The following LHFPL2 variants were observed in gnomAD, a reference collection of about 807,000 sequenced individuals.
LHFPL2 encodes the protein LHFPL tetraspan subfamily member 2 protein.
A neutral mutation model predicts 17.5 loss-of-function variants in LHFPL2; 7 were observed. The ratio of observed to expected loss-of-function variants is 0.40; its 90% confidence interval spans 0.23 to 0.75. The LOEUF (loss-of-function observed/expected upper bound fraction) is 0.75, where lower values mean the gene tolerates loss of function less well. Among genes scored for constraint, LHFPL2 ranks in the 30% least tolerant of loss-of-function variants. The pLI is 0.37. For missense variants in LHFPL2, 241 were observed against 294.8 expected, an observed-to-expected ratio of 0.82 and a Z score of 1.34; for synonymous variants, 134 against 116.2, an observed-to-expected ratio of 1.15 and a Z score of -0.99.
intron 3 of LHFPL2, among the ~76,000 whole-genome samples, chr5:78,512,529 ATTGT>A (rs373551068): frequency 1.8e-3 from 279 of 151,702 alleles, no homozygotes; most frequent in African/African-American, 6.4e-3. Flanking sequence ...TTTAGAGGAG[ATTGT>A]TTGTAATGAA....
At chr5:78,627,691 C>T (rs941452800) in intron 2 of LHFPL2, among the ~76,000 whole-genome samples, 2 of 152,198 alleles carry the variant, frequency 1.3e-5, no homozygotes, top group Admixed American at 1.3e-4. Flanking sequence ...CTCAGCAGGG[C>T]ATTTATGAAG....
intron 3 of LHFPL2, among the ~76,000 whole-genome samples, chr5:78,558,532 A>AG (rs55720972): frequency 1 from 152,258 of 152,258 alleles, 76,129 homozygotes; most frequent in Non-Finnish European, 1. Context: ...TTTCAGAGAC[A>AG]GGTCTTGCTA....
intron 3 of LHFPL2, among the ~76,000 whole-genome samples, chr5:78,560,018 A>G (rs1010141482): frequency 6.6e-6 from 1 of 152,266 alleles, no homozygotes; most frequent in Admixed American, 6.5e-5. Context: ...TTATTACACG[A>G]AAGAATACAG....
chr5:78,553,945 T>C (rs557979628), intron 3 of LHFPL2, among the ~76,000 whole-genome samples: 8 of 152,242 alleles, frequency 5.3e-5, no homozygotes, highest in Non-Finnish European at 1.0e-4. Context: ...TGAGGCACAA[T>C]ATGTCATTTG....
At chr5:78,503,477 A>G (rs1013137730) in intron 4 of LHFPL2, among the ~76,000 whole-genome samples, 2 of 152,202 alleles carry the variant, frequency 1.3e-5, no homozygotes, top group Non-Finnish European at 2.9e-5. Flanking sequence ...CAGGTGGATC[A>G]CCTGAGGTCA....
chr5:78,490,746 C>CAAAAAA (rs370809060), intron 4 of LHFPL2, among the ~76,000 whole-genome samples: 1,253 of 91,230 alleles, frequency 0.014, 51 homozygotes, highest in African/African-American at 0.031. Context: ...GACTCCCTCT[C>CAAAAAA]AAAAAAAAAA....
intron 2 of LHFPL2, among the ~76,000 whole-genome samples, chr5:78,624,375 G>A (rs1018317148): frequency 2.6e-5 from 4 of 152,294 alleles, no homozygotes; most frequent in East Asian, 1.9e-4. Flanking sequence ...TGTCCCAGAG[G>A]AGGCACACAA....
chr5:78,560,084 G>A (rs1756684019), intron 3 of LHFPL2, among the ~76,000 whole-genome samples: 2 of 152,206 alleles, frequency 1.3e-5, no homozygotes, highest in African/African-American at 4.8e-5. Context: ...AGCGGCCAGT[G>A]TCGATTGGCA....
chr5:78,636,195 A>C (rs1228082781), intron 1 of LHFPL2, among the ~76,000 whole-genome samples: 2 of 151,344 alleles, frequency 1.3e-5, no homozygotes, highest in African/African-American at 4.9e-5. Context: ...ATCAGAATCC[A>C]CTCTTGCATA....
At chr5:78,558,288 C>A (rs936430174) in intron 3 of LHFPL2, among the ~76,000 whole-genome samples, 3 of 152,242 alleles carry the variant, frequency 2.0e-5, no homozygotes, top group Non-Finnish European at 2.9e-5. Flanking sequence ...CCTACACGAT[C>A]CCAGTGTACG....
intron 2 of LHFPL2, among the ~76,000 whole-genome samples, chr5:78,617,465 T>G (rs969118474): frequency 2.0e-5 from 3 of 152,204 alleles, no homozygotes; most frequent in African/African-American, 7.2e-5. Context: ...TTGTTCTACC[T>G]GCTTGTAGGC....
intron 4 of LHFPL2, among the ~76,000 whole-genome samples, chr5:78,503,340 A>G (rs1043542852): frequency 4.6e-5 from 7 of 152,340 alleles, no homozygotes; most frequent in Non-Finnish European, 5.9e-5. Flanking sequence ...ATCAACTGCT[A>G]TATCAGAATT....
At chr5:78,531,513 A>C (rs1755784257) in intron 3 of LHFPL2, among the ~76,000 whole-genome samples, 1 of 152,138 alleles carries the variant, frequency 6.6e-6, no homozygotes, top group African/African-American at 2.4e-5. Context: ...CTCAGGTTCC[A>C]CTATGGCACT....
chr5:78,485,447 A>C lies in LHFPL2; in HGVS notation c.*3450T>G, dbSNP rs911294794. The C allele has an allele frequency of 1.3e-5, 2 of 152,634 alleles. No homozygotes were observed. Among genetic ancestry groups the C allele is most frequent in the African/African-American group, 4.8e-5 (2 of 41,444 alleles). The allele number at this position is 152,634 out of a possible 1,614,324, so 9.5% of individuals were successfully genotyped here. A position where few individuals can be genotyped will look rare whatever the true frequency, so the allele number is the denominator to read the frequency against. ...ATATCAAGTGGTGCCGAGTCCCTCC[A>C]GAGCACCTACTGACCCCCTCAGCCT... On this transcript the variant is annotated 3_prime_UTR_variant, in exon 5 of 5. Transcript: ENST00000380345.
intron 2 of LHFPL2, among the ~76,000 whole-genome samples, chr5:78,620,242 T>G (rs1744799795): frequency 6.6e-6 from 1 of 150,906 alleles, no homozygotes; most frequent in African/African-American, 2.4e-5. Flanking sequence ...TGATTTGCAT[T>G]TCTCTGATGG....
chr5:78,604,146 T>G (rs1744127080), intron 2 of LHFPL2, among the ~76,000 whole-genome samples: 1 of 152,122 alleles, frequency 6.6e-6, no homozygotes, highest in Non-Finnish European at 1.5e-5. Context: ...TACCCACCAC[T>G]TAAAACCATA....
At chr5:78,505,521 C>T (rs1754906687) in intron 4 of LHFPL2, among the ~76,000 whole-genome samples, 1 of 152,056 alleles carries the variant, frequency 6.6e-6, no homozygotes, top group Admixed American at 6.5e-5. Flanking sequence ...CTCTCTCCTG[C>T]CTTTTAAAAA....
chr5:78,590,081 C>A (rs1447806387), intron 2 of LHFPL2: 1 of 152,192 alleles, frequency 6.6e-6, no homozygotes, highest in Non-Finnish European at 1.5e-5. Context: ...AACTTGCCTG[C>A]TACGAAATGC....
At chr5:78,583,929 G>A (rs1160827620) in intron 2 of LHFPL2, among the ~76,000 whole-genome samples, 1 of 151,456 alleles carries the variant, frequency 6.6e-6, no homozygotes, top group Non-Finnish European at 1.5e-5. Context: ...CCAATCAGAC[G>A]TAGATTTGGT....
Sources: allele counts gnomAD v4.1 joint callset (sites outside exome capture counted in the v4.1 genomes callset), GRCh38; gene constraint gnomAD v4.1.1; transcripts MANE v1.5; gene names NCBI Gene and HGNC (gene_info 2026-07-23, HGNC 2026-07-21).